Variants in VCL observed in about 807,000 individuals in gnomAD.
VCL encodes vinculin.
A neutral mutation model predicts 125.7 loss-of-function variants in VCL; 47 were observed. That is an observed-to-expected ratio of 0.37 (90% CI 0.30 to 0.48). The LOEUF is 0.48. VCL is among the 20% of genes least tolerant of loss of function. The pLI is 0.99. For synonymous variants in VCL, 458 were observed against 514.6 expected (o/e 0.89, Z 1.49); for missense variants, 1,069 against 1,455.5 (o/e 0.73, Z 4.32).
chr10:74,113,944 CCTCCTCT>C (rs1297278636), intron 19 of VCL, among the ~76,000 whole-genome samples: 1 of 151,986 alleles, frequency 6.6e-6, no homozygotes, highest in Non-Finnish European at 1.5e-5. Flanking sequence ...CTCCTTTCCC[CCTCCTCT>C]CTCCTCTCTC....
intron 1 of VCL, among the ~76,000 whole-genome samples, chr10:74,020,587 T>C (rs953899770): frequency 3.9e-5 from 6 of 152,088 alleles, no homozygotes; most frequent in Non-Finnish European, 7.4e-5. Context: ...ATGCCTGTAA[T>C]CCCAACACCT....
Position 74,032,240 on chromosome 10 carries a change from T to TAAAAAA in VCL, c.169-10828_169-10823dup, listed in dbSNP as rs770412004. 3.3e-3 allele frequency among the ~76,000 whole-genome samples: 238 copies of TAAAAAA among 72,344 alleles called. 2 individuals are homozygous for TAAAAAA. The highest frequency in any genetic ancestry group is 6.2e-3 in the East Asian group (17 of 2,748). 47.5% of individuals were successfully genotyped at this position (72,344 alleles called of 152,430 possible). ...GGGCAACAGAGACTCTGTTTCAGAA[T>TAAAAAA]AAAAAAAAAAAAAAAAAAAAGAAAA... is the stretch of plus-strand genomic sequence containing the variant. On this transcript the variant is annotated intron_variant, in intron 1 of 21. Transcript: ENST00000211998.
intron 1 of VCL, among the ~76,000 whole-genome samples, chr10:74,034,577 G>A (rs963866643): frequency 2.6e-5 from 4 of 152,190 alleles, no homozygotes; most frequent in African/African-American, 4.8e-5. Context: ...ATTTGTCAAC[G>A]AACAACAAGG....
intron 1 of VCL, among the ~76,000 whole-genome samples, chr10:74,008,871 G>A (rs1172135661): frequency 6.6e-6 from 1 of 152,196 alleles, no homozygotes; most frequent in Non-Finnish European, 1.5e-5. Flanking sequence ...GTCAGTTCTT[G>A]TTGCTCTCAG....
At chr10:74,110,228 C>G (rs1306566822) in intron 18 of VCL, among the ~76,000 whole-genome samples, 1 of 152,086 alleles carries the variant, frequency 6.6e-6, no homozygotes, top group African/African-American at 2.4e-5. Context: ...GGGAGGGTGA[C>G]AGTGAAGATT....
chr10:74,047,150 C>T (rs970788065), intron 2 of VCL, among the ~76,000 whole-genome samples: 7 of 151,948 alleles, frequency 4.6e-5, no homozygotes, highest in Admixed American at 1.3e-4. Flanking sequence ...AATCATTGAT[C>T]GCTGGGCATG....
intron 2 of VCL, chr10:74,063,832 G>A (rs1841518865): frequency 6.6e-6 from 1 of 152,112 alleles, no homozygotes; most frequent in Non-Finnish European, 1.5e-5. Flanking sequence ...ATATAATAAT[G>A]GGATGTTTTT....
chr10:74,104,179 T>C (rs1399997113), intron 15 of VCL, among the ~76,000 whole-genome samples: 1 of 152,176 alleles, frequency 6.6e-6, no homozygotes, highest in Non-Finnish European at 1.5e-5. Flanking sequence ...ATGTTTATTG[T>C]CACCACTCCT....
intron 2 of VCL, among the ~76,000 whole-genome samples, chr10:74,047,054 T>A (rs1454514852): frequency 1.3e-5 from 2 of 152,230 alleles, no homozygotes; most frequent in Non-Finnish European, 2.9e-5. Context: ...TTGCCTTTCC[T>A]GTACAAAATT....
intron 2 of VCL, among the ~76,000 whole-genome samples, chr10:74,056,427 C>T (rs1841391415): frequency 6.6e-6 from 1 of 151,942 alleles, no homozygotes; most frequent in African/African-American, 2.4e-5. Flanking sequence ...CATGCAGTGT[C>T]CTGTACTATC....
intron 1 of VCL, among the ~76,000 whole-genome samples, chr10:74,015,896 G>A (rs930548789): frequency 7.2e-5 from 11 of 152,032 alleles, no homozygotes; most frequent in African/African-American, 2.7e-4. Flanking sequence ...TGTTGGTCAG[G>A]CTGATCTTGA....
intron 21 of VCL, among the ~76,000 whole-genome samples, chr10:74,116,556 A>G (rs1417708959): frequency 6.6e-6 from 1 of 152,080 alleles, no homozygotes; most frequent in Admixed American, 6.6e-5. Context: ...GTATGGTAGA[A>G]TGGAAAAAAC....
intron 13 of VCL, among the ~76,000 whole-genome samples, chr10:74,100,310 T>C (rs1220694053): frequency 6.6e-6 from 1 of 152,198 alleles, no homozygotes; most frequent in Non-Finnish European, 1.5e-5. Flanking sequence ...TTTTTAGAAT[T>C]TGAGAGCTGA....
chr10:74,079,100 A>G (rs928258393), intron 6 of VCL, among the ~76,000 whole-genome samples: 7 of 152,190 alleles, frequency 4.6e-5, no homozygotes, highest in African/African-American at 1.7e-4. Context: ...TTCAGTTCCT[A>G]GGAAAGCACG....
At chr10:74,074,623 G>A in intron 5 of VCL, 120 bp from the exon 6 acceptor site, 3 of 1,099,462 alleles carry the variant, frequency 2.7e-6, no homozygotes, top group Non-Finnish European at 3.9e-6. Flanking sequence ...TGTTTGTTTT[G>A]TATACTCATT....
chr10:74,119,474 G>C lies in VCL; in HGVS notation c.*1305G>C, dbSNP rs1476402079. ...CTCTGCATCTACTCCCAAGTATGGG[G>C]TTCAAGAGAGTAATGGGTTTCATAT... On this transcript the variant is annotated 3_prime_UTR_variant, in exon 22 of 22. Transcript: ENST00000211998. The C allele has an allele frequency of 1.3e-5, 2 of 152,190 alleles. No individual in the cohort carries two copies. Among genetic ancestry groups the C allele is most frequent in the African/African-American group, 4.8e-5 (2 of 41,420 alleles). 9.4% of individuals were successfully genotyped at this position (152,190 alleles called of 1,614,324 possible).
intron 2 of VCL, among the ~76,000 whole-genome samples, chr10:74,055,035 C>T (rs1030980855): frequency 6.6e-6 from 1 of 152,068 alleles, no homozygotes; most frequent in African/African-American, 2.4e-5. Flanking sequence ...TGCGATGGCT[C>T]ACACCTGTAA....
chr10:74,018,841 C>A (rs988705632), intron 1 of VCL, among the ~76,000 whole-genome samples: 4 of 152,150 alleles, frequency 2.6e-5, no homozygotes, highest in Non-Finnish European at 5.9e-5. Context: ...ACTTAAGAAA[C>A]CCAATGTCTT....
chr10:74,103,377 G>A (rs1488022896), intron 14 of VCL, among the ~76,000 whole-genome samples: 1 of 152,126 alleles, frequency 6.6e-6, no homozygotes, highest in East Asian at 1.9e-4. Flanking sequence ...CTTGGTTTTT[G>A]CATCTCTAAA....
Sources: allele counts gnomAD v4.1 joint callset (sites outside exome capture counted in the v4.1 genomes callset), GRCh38; gene constraint gnomAD v4.1.1; transcripts MANE v1.5; gene names NCBI Gene and HGNC (gene_info 2026-07-23, HGNC 2026-07-21).